Variants in PCDHGB1 observed in about 807,000 individuals in gnomAD.
PCDHGB1 encodes the protein protocadherin gamma subfamily B, 1.
PCDHGB1 carries 34 observed loss-of-function variants against 56.6 expected under a neutral mutation model. The observed-to-expected ratio is 0.60, with a 90% CI of 0.46 to 0.80. The LOEUF is 0.80. PCDHGB1 is among the 30% of genes least tolerant of loss of function. The pLI, the probability that PCDHGB1 is intolerant of heterozygous loss-of-function variation, is 0.00. For missense variants in PCDHGB1, 1,278 were observed against 1,204.6 expected (o/e 1.06, Z -0.90); for synonymous variants, 561 against 505.9 (o/e 1.11, Z -1.46).
chr5:141,463,764 G>A (rs2099069094), intron 1 of PCDHGB1, among the ~76,000 whole-genome samples: 1 of 151,916 alleles, frequency 6.6e-6, no homozygotes. Flanking sequence ...TTCTCTTATG[G>A]GTTAGAATCC....
At position 141,487,033 on chromosome 5, in the gene PCDHGB1, A is replaced by C. The variant is rs1465525110; in HGVS notation, c.2410-7774A>C. ...AGGCCCCAGATCCCAGCCTGTTTGC[A>C]GTCTCTCGATATGCTGGGGAGGTGC... On this transcript the variant is annotated intron_variant, in intron 1 of 3. Transcript: ENST00000523390. This position sits in a 1 kb window ranked among gnomAD's most constrained non-coding sequence, Gnocchi z 5.0. 3 of 1,614,160 alleles carry C rather than the reference A, an allele frequency of 1.9e-6. No individual in the cohort carries two copies. Among genetic ancestry groups the C allele is most frequent in the Non-Finnish European group, 2.5e-6 (3 of 1,180,032 alleles).
chr5:141,393,464 C>T (rs1264655164), intron 1 of PCDHGB1: 10 of 1,613,912 alleles, frequency 6.2e-6, no homozygotes, highest in African/African-American at 2.7e-5. Context: ...CCTCGGATGG[C>T]GGCAAGCCGC....
At chr5:141,496,698 C>T (rs2099770595) in intron 2 of PCDHGB1, among the ~76,000 whole-genome samples, 1 of 152,196 alleles carries the variant, frequency 6.6e-6, no homozygotes, top group Non-Finnish European at 1.5e-5. Context: ...CCAACCTTCT[C>T]ATAAGTTATC....
rs1454034279 is a variant in PCDHGB1, at chr5:141,366,572, G to A, written c.2409+13903G>A. On this transcript the variant is annotated intron_variant, in intron 1 of 3. Transcript: ENST00000523390. Reference sequence around the variant, plus strand: ...CTTTGTGGGCGTGGATGGGGTTCGGGCTTTCCTGCAGACCTATTCCCACGA... The same window carrying A: ...CTTTGTGGGCGTGGATGGGGTTCGGACTTTCCTGCAGACCTATTCCCACGA... The A allele has an allele frequency of 1.9e-6, 3 of 1,614,148 alleles. No homozygotes were observed. The highest frequency in any genetic ancestry group is 1.7e-6 in the Non-Finnish European group (2 of 1,180,064).
At chr5:141,385,015 G>C in intron 1 of PCDHGB1, 2 of 1,614,018 alleles carry the variant, frequency 1.2e-6, no homozygotes, top group South Asian at 2.2e-5. Context: ...CGTCTTCCTA[G>C]CCTTCGTCCT....
Position 141,376,478 on chromosome 5 carries a change from G to A in PCDHGB1, c.2409+23809G>A, listed in dbSNP as rs761214015. On this transcript the variant is annotated intron_variant, in intron 1 of 3. Coordinates refer to ENST00000523390, the MANE Select transcript of PCDHGB1 (RefSeq NM_018922.3). ...TCTTCTGATAACTCAGGATTTACTT[G>A]AAACGAAAGGAGAACCCAGGCAACT... The A allele has an allele frequency of 1.9e-6, 3 of 1,614,176 alleles. No individual in the cohort carries two copies. The South Asian group carries it at 3.3e-5, about 18-fold the overall frequency.
chr5:141,499,223 C>T (rs1478344280), intron 2 of PCDHGB1, among the ~76,000 whole-genome samples: 2 of 152,112 alleles, frequency 1.3e-5, no homozygotes, highest in African/African-American at 4.8e-5. Context: ...CCCTGCCCTG[C>T]AGCTGTCCCC....
At chr5:141,455,292 G>A (rs2098818902) in intron 1 of PCDHGB1, among the ~76,000 whole-genome samples, 1 of 152,068 alleles carries the variant, frequency 6.6e-6, no homozygotes, top group East Asian at 1.9e-4. Context: ...ACTTTACATA[G>A]TTTCATCTTG....
At chr5:141,399,720 C>G (rs1217371004) in intron 1 of PCDHGB1, 2 of 1,613,306 alleles carry the variant, frequency 1.2e-6, no homozygotes, top group South Asian at 2.2e-5. Context: ...TACAGGCCCG[C>G]GACCAGGGCT....
chr5:141,375,606 A>C, intron 1 of PCDHGB1: 1 of 1,613,922 alleles, frequency 6.2e-7, no homozygotes, highest in Non-Finnish European at 8.5e-7. Context: ...GTGTCCATCA[A>C]CTCCGACACT....
At chr5:141,451,107 C>T (rs768308463) in intron 1 of PCDHGB1, among the ~76,000 whole-genome samples, 3 of 152,118 alleles carry the variant, frequency 2.0e-5, no homozygotes, top group Non-Finnish European at 4.4e-5. Flanking sequence ...GGATTACAGG[C>T]GTGAGCCACC....
chr5:141,400,690 A>G (rs928893484), intron 1 of PCDHGB1: 6 of 790,238 alleles, frequency 7.6e-6, no homozygotes, highest in Non-Finnish European at 8.1e-6. Flanking sequence ...GTGAGTTTTT[A>G]TGTCGCATAA....
chr5:141,392,830 G>A lies in PCDHGB1; in HGVS notation c.2409+40161G>A, dbSNP rs747812941. ...AAAACAACAATGGCCGCTCCACAGA[G>A]TCGCCCCAGACGCGGCGAGCTGATC... On this transcript the variant is annotated intron_variant, in intron 1 of 3. Transcript: ENST00000523390. The A allele has an allele frequency of 1.6e-5, 26 of 1,604,568 alleles. No individual in the cohort carries two copies. Among genetic ancestry groups the A allele is most frequent in the Non-Finnish European group, 2.0e-5 (24 of 1,175,404 alleles).
At position 141,490,460 on chromosome 5, in the gene PCDHGB1, TA is replaced by T. The variant is rs1393913480; in HGVS notation, c.2410-4345del. 1.2e-6 allele frequency: 2 copies of T among 1,614,094 alleles called. No individual in the cohort carries two copies. The highest frequency in any genetic ancestry group is 1.7e-6 in the Non-Finnish European group (2 of 1,180,048). On this transcript the variant is annotated intron_variant, in intron 1 of 3. Coordinates refer to ENST00000523390, the MANE Select transcript of PCDHGB1 (RefSeq NM_018922.3). The surrounding 1 kb of genome is among the most constrained non-coding windows in gnomAD (Gnocchi z 5.4). ...CCTTCTGAGAACCACTACTCGCTGC[TA>T]ACCAGCCAGCCTTTGGACCGGGAGG... is the stretch of plus-strand genomic sequence containing the variant.
At chr5:141,465,162 G>A (rs1464525964) in intron 1 of PCDHGB1, among the ~76,000 whole-genome samples, 1 of 151,654 alleles carries the variant, frequency 6.6e-6, no homozygotes, top group Non-Finnish European at 1.5e-5. Context: ...GACTCTAAAT[G>A]TTTATGAAGA....
intron 2 of PCDHGB1, among the ~76,000 whole-genome samples, chr5:141,503,292 A>T (rs7710319): frequency 0.52 from 78,681 of 151,966 alleles, 21,044 homozygotes; most frequent in African/African-American, 0.62. Flanking sequence ...TGGTACATAG[A>T]AATTGCTCAA....
chr5:141,389,863 TG>T, intron 1 of PCDHGB1: 2 of 1,614,064 alleles, frequency 1.2e-6, no homozygotes, highest in Non-Finnish European at 1.7e-6. Context: ...ACGTTGCACC[TG>T]GTCTTCGCCG....
chr5:141,480,712 A>G (rs559266864), intron 1 of PCDHGB1, among the ~76,000 whole-genome samples: 13 of 152,306 alleles, frequency 8.5e-5, no homozygotes, highest in African/African-American at 2.9e-4. Context: ...CCGACAAATG[A>G]AAGCACAGTC....
At chr5:141,417,890 G>GCCGGC (rs2096180101) in intron 1 of PCDHGB1, 1 of 1,568,496 alleles carries the variant, frequency 6.4e-7, no homozygotes, top group Non-Finnish European at 8.6e-7. Context: ...GAGGCGCCGG[G>GCCGGC]CCGGCCCGCG....
Sources: allele counts gnomAD v4.1 joint callset (sites outside exome capture counted in the v4.1 genomes callset), GRCh38; gene constraint gnomAD v4.1.1; non-coding constraint Gnocchi (gnomAD v3.1); transcripts MANE v1.5; gene names NCBI Gene and HGNC (gene_info 2026-07-23, HGNC 2026-07-21).